The following PANK1 variants were observed in gnomAD, a reference collection of about 807,000 sequenced individuals.
The protein encoded by PANK1 is pantothenic acid kinase 1.
Under a neutral mutation model 40.1 loss-of-function variants are expected in PANK1, and 18 were observed. The observed-to-expected ratio is 0.45, with a 90% CI of 0.31 to 0.67. The LOEUF (loss-of-function observed/expected upper bound fraction) is 0.67, where lower values mean the gene tolerates loss of function less well. Among genes scored for constraint, PANK1 ranks in the 30% least tolerant of loss-of-function variants. The pLI is 0.06. For synonymous variants in PANK1, 242 were observed against 237.7 expected, an observed-to-expected ratio of 1.02 and a Z score of -0.17; for missense variants, 457 against 599.6, an observed-to-expected ratio of 0.76 and a Z score of 2.48.
Position 89,593,953 on chromosome 10 carries a change from C to T in PANK1, c.936G>A (p.Leu312=). The change falls in exon 4 of 7, where the codon TTG becomes TTA. Residue 312 remains leucine (L), a synonymous_variant. Transcript: ENST00000307534. The part of the protein sequence containing the change: ...GGGTFLGLCC[L]LTGCETFEEA... The stretch of plus-strand genomic sequence containing the variant: ...CTTCAAAGGTCTCACAACCAGTCAG[C>T]AAGCAACATAGGCCTAGGAATGTTC... The T allele has an allele frequency of 1.1e-5, 17 of 1,613,738 alleles. No homozygotes were observed. The highest frequency in any genetic ancestry group is 1.4e-5 in the Non-Finnish European group (17 of 1,179,686).
chr10:89,645,210 G>A lies in PANK1; in HGVS notation c.-319C>T. ...CCTTCCCCTGATCCCCAGGCCGCGC[G>A]ACTTCAAACGCGGCTTCCTCGCCTC... On this transcript the variant is annotated 5_prime_UTR_variant, in exon 1 of 7. Transcript: ENST00000307534. 6.3e-7 allele frequency: 1 copy of A among 1,597,586 alleles called. No homozygotes were observed. The highest frequency in any genetic ancestry group is 8.5e-7 in the Non-Finnish European group (1 of 1,173,100).
At chr10:89,627,615 T>C (rs934114149) in intron 1 of PANK1, among the ~76,000 whole-genome samples, 5 of 152,238 alleles carry the variant, frequency 3.3e-5, no homozygotes, top group Admixed American at 6.5e-5. Context: ...ACTTAAATTC[T>C]AGTACACAAA....
At chr10:89,623,506 A>C (rs1589804408) in intron 1 of PANK1, among the ~76,000 whole-genome samples, 1 of 150,898 alleles carries the variant, frequency 6.6e-6, no homozygotes. Flanking sequence ...TACAGGCATG[A>C]GCCACCGTGC....
At chr10:89,600,096 G>A (rs1253117826) in intron 2 of PANK1, among the ~76,000 whole-genome samples, 2 of 152,220 alleles carry the variant, frequency 1.3e-5, no homozygotes, top group African/African-American at 4.8e-5. Flanking sequence ...GTACGGTCCT[G>A]CTAATGCTTT....
intron 1 of PANK1, among the ~76,000 whole-genome samples, chr10:89,642,540 C>T (rs1841998704): frequency 6.6e-6 from 1 of 152,214 alleles, no homozygotes; most frequent in South Asian, 2.1e-4. Flanking sequence ...TGTCAGTCAT[C>T]AGCAAATAGG....
At chr10:89,604,460 G>C (rs1355962678) in intron 2 of PANK1, among the ~76,000 whole-genome samples, 1 of 152,142 alleles carries the variant, frequency 6.6e-6, no homozygotes, top group Non-Finnish European at 1.5e-5. Flanking sequence ...GGGAGGCCTA[G>C]GCAGGCGGAT....
chr10:89,587,300 T>G (rs887830193), intron 6 of PANK1, among the ~76,000 whole-genome samples: 9 of 152,220 alleles, frequency 5.9e-5, no homozygotes, highest in Non-Finnish European at 1.0e-4. Flanking sequence ...AAGAGTCAGC[T>G]GTGTTTATCC....
rs374425313 is a variant in PANK1, at chr10:89,623,069, G to A, written c.293-11021C>T. On this transcript the variant is annotated intron_variant, in intron 1 of 6. Transcript: ENST00000307534. ...AGGGATTAAATGGTACATTTCAGGC[G>A]GTTATAATTTTGTCTAAAAATTAAA... is the stretch of plus-strand genomic sequence containing the variant. 4.3e-4 allele frequency among the ~76,000 whole-genome samples: 66 copies of A among 152,082 alleles called. No individual in the cohort carries two copies. The East Asian group carries it at 8.7e-3, about 20-fold the overall frequency.
chr10:89,630,474 G>A (rs922270943), intron 1 of PANK1, among the ~76,000 whole-genome samples: 3 of 151,254 alleles, frequency 2.0e-5, no homozygotes, highest in African/African-American at 7.3e-5. Context: ...CAAACATTAG[G>A]TGATCTCTAA....
intron 1 of PANK1, among the ~76,000 whole-genome samples, chr10:89,617,037 A>G (rs924490051): frequency 7.9e-5 from 12 of 152,254 alleles, no homozygotes; most frequent in African/African-American, 2.9e-4. Flanking sequence ...AATTACAGGC[A>G]TGAGACCCTC....
intron 5 of PANK1, 34 bp downstream of exon 5, chr10:89,593,163 C>G (rs879073582): frequency 5.6e-6 from 9 of 1,607,552 alleles, no homozygotes; most frequent in Middle Eastern, 1.7e-4. Flanking sequence ...ATATGAATGA[C>G]ACACAGCTTT....
intron 6 of PANK1, among the ~76,000 whole-genome samples, chr10:89,586,462 T>G (rs1202594818): frequency 6.6e-6 from 1 of 152,194 alleles, no homozygotes; most frequent in Non-Finnish European, 1.5e-5. Flanking sequence ...AAGTCTGCTT[T>G]AAAAACAAGA....
At chr10:89,611,209 A>G (rs1845141761) in intron 2 of PANK1, among the ~76,000 whole-genome samples, 1 of 152,192 alleles carries the variant, frequency 6.6e-6, no homozygotes, top group African/African-American at 2.4e-5. Flanking sequence ...TGTGAGCAAA[A>G]CTTCTGAATG....
intron 5 of PANK1, 109 bp from the exon 6 acceptor site, chr10:89,588,886 C>T (rs1844283837): frequency 2.9e-6 from 2 of 686,636 alleles, no homozygotes; most frequent in South Asian, 4.3e-5. Context: ...GTGAATATTC[C>T]TTGTTTTTTT....
intron 1 of PANK1, among the ~76,000 whole-genome samples, chr10:89,617,840 T>A (rs1003613550): frequency 5.3e-5 from 8 of 152,176 alleles, no homozygotes; most frequent in Admixed American, 3.3e-4. Context: ...ATAAAATAGA[T>A]GAGAAACCGA....
intron 3 of PANK1, among the ~76,000 whole-genome samples, chr10:89,594,200 C>T (rs1222446451): frequency 6.6e-6 from 1 of 151,886 alleles, no homozygotes; most frequent in Non-Finnish European, 1.5e-5. Flanking sequence ...AAAATTTGCC[C>T]CTAAATTTGA....
At position 89,645,022 on chromosome 10, in the gene PANK1, G is replaced by A. The variant is rs761858998; in HGVS notation, c.-131C>T. On this transcript the variant is annotated 5_prime_UTR_variant, in exon 1 of 7. Coordinates refer to ENST00000307534, the MANE Select transcript of PANK1 (RefSeq NM_148977.3). ...CAGCAGCCGCAGAGCCGGCGCCTGG[G>A]GATGGCGAACCCGGCGCTCCTCCCC... The A allele has an allele frequency of 3.2e-6, 5 of 1,566,648 alleles. No individual in the cohort carries two copies. In the African/African-American group the frequency reaches 5.7e-5, roughly 18 times the overall value.
At chr10:89,644,551 G>A in intron 1 of PANK1, 49 bp downstream of exon 1, 2 of 1,522,326 alleles carry the variant, frequency 1.3e-6, no homozygotes, top group Non-Finnish European at 8.9e-7. Context: ...CCCGGGCCCC[G>A]CACGCTGCGT....
intron 1 of PANK1, among the ~76,000 whole-genome samples, chr10:89,632,485 A>T (rs751707275): frequency 6.6e-6 from 1 of 152,210 alleles, no homozygotes; most frequent in Non-Finnish European, 1.5e-5. Context: ...GGCCAGGTTT[A>T]TATCTATTTA....
Sources: gnomAD v4.1 joint callset for allele counts (sites outside exome capture counted in the v4.1 genomes callset) on GRCh38, gnomAD v4.1.1 for gene constraint, MANE v1.5 for transcripts, NCBI Gene and HGNC (gene_info 2026-07-23, HGNC 2026-07-21) for gene names.